Variants in ANXA11 observed in about 807,000 individuals in gnomAD.
ANXA11 encodes annexin A11.
ANXA11 carries 57 observed loss-of-function variants against 64.7 expected under a neutral mutation model. The observed-to-expected ratio is 0.88, with a 90% confidence interval of 0.71 to 1.10. ANXA11 has a LOEUF of 1.10. Ranked by LOEUF, ANXA11 falls within the 50% of genes least tolerant of loss-of-function variation. The pLI is 0.00. For missense variants in ANXA11, 675 were observed against 670.7 expected, an observed-to-expected ratio of 1.01 and a Z score of -0.07; for synonymous variants, 260 against 265.2, an observed-to-expected ratio of 0.98 and a Z score of 0.19.
chr10:80,158,369 G>T (rs865777430), intron 13 of ANXA11, among the ~76,000 whole-genome samples: 1 of 152,146 alleles, frequency 6.6e-6, no homozygotes, highest in Non-Finnish European at 1.5e-5. Context: ...TCAGGCAGGA[G>T]GGGCAGACTG....
intron 1 of ANXA11, among the ~76,000 whole-genome samples, chr10:80,202,586 T>C (rs1219078048): frequency 6.6e-5 from 10 of 152,108 alleles, no homozygotes; most frequent in Admixed American, 5.9e-4. Context: ...AAATTCCTAC[T>C]ATTCTGGGGG....
At chr10:80,181,997 T>A (rs1846372009) in intron 1 of ANXA11, among the ~76,000 whole-genome samples, 2 of 152,248 alleles carry the variant, frequency 1.3e-5, no homozygotes, top group Admixed American at 1.3e-4. Flanking sequence ...ACATTCACAG[T>A]AGTGTTATTC....
At chr10:80,194,372 C>T (rs1171281711) in intron 1 of ANXA11, among the ~76,000 whole-genome samples, 1 of 152,138 alleles carries the variant, frequency 6.6e-6, no homozygotes, top group East Asian at 1.9e-4. Context: ...TATGGAGGCA[C>T]CAGGGGCTGG....
intron 1 of ANXA11, among the ~76,000 whole-genome samples, chr10:80,188,511 A>ATATATATATATATATG (rs1554834982): frequency 0.021 from 2,669 of 125,850 alleles, 155 homozygotes; most frequent in Non-Finnish European, 0.027. Flanking sequence ...ATATATATAT[A>ATATATATATATATATG]GCACTACAAC....
chr10:80,173,586 CG>C, intron 2 of ANXA11, among the ~76,000 whole-genome samples: 1 of 152,200 alleles, frequency 6.6e-6, no homozygotes, highest in African/African-American at 2.4e-5. Flanking sequence ...CCTGCTCTCA[CG>C]AAGTCCCTCT....
Position 80,170,984 on chromosome 10 carries a change from A to G in ANXA11, c.56-69T>C, listed in dbSNP as rs756561692. On this transcript the variant is annotated intron_variant, in intron 3 of 15. Transcript: ENST00000422982. ...CCACACGGGGAAAGGCAGAGATGAG[A>G]GCTCCCAGGTGGTCAGAAAGGGAGG... 2.0e-6 allele frequency: 3 copies of G among 1,529,126 alleles called. No homozygotes were observed. In the African/African-American group the frequency reaches 4.2e-5, roughly 21 times the overall value. 94.7% of individuals were successfully genotyped at this position (1,529,126 alleles called of 1,614,324 possible).
At chr10:80,204,418 T>TGGGCAGGGCAGGGCA (rs573326665) in intron 1 of ANXA11, among the ~76,000 whole-genome samples, 1 of 151,478 alleles carries the variant, frequency 6.6e-6, no homozygotes, top group Non-Finnish European at 1.5e-5. Context: ...CCCTGTTGCG[T>TGGGCAGGGCAGGGCA]GGGCAGGGCA....
At chr10:80,186,879 G>C (rs1401379368) in intron 1 of ANXA11, among the ~76,000 whole-genome samples, 1 of 152,224 alleles carries the variant, frequency 6.6e-6, no homozygotes, top group Non-Finnish European at 1.5e-5. Flanking sequence ...TTTGTGGGCA[G>C]AGTCACCTCT....
chr10:80,167,431 G>T, intron 5 of ANXA11, 118 bp from the exon 6 acceptor site: 1 of 827,988 alleles, frequency 1.2e-6, no homozygotes, highest in East Asian at 2.6e-5. Flanking sequence ...AGTATCTAAA[G>T]GAGTCCACAG....
Position 80,167,283 on chromosome 10 carries a change from G to A in ANXA11, c.592C>T (p.Pro198Ser). 1.2e-6 allele frequency: 2 copies of A among 1,614,136 alleles called. No individual in the cohort carries two copies. The highest frequency in any genetic ancestry group is 1.7e-5 in the Admixed American group (1 of 60,016). ...FGSRGTITDA[P>S]GFDPLRDAEV... ...GCATCTCGCAGGGGGTCAAAGCCGG[G>A]AGCATCAGTGATGGTGCCTCGGCTT... The change falls in exon 6 of 16, where the codon CCC becomes TCC. Residue 198 changes from proline (P) to serine (S), a missense_variant. Physicochemically the swap from Pro to Ser is moderately conservative, Grantham distance 74. Transcript: ENST00000422982.
rs777020491 is a variant in ANXA11, at chr10:80,166,881, G to A, written c.744+9C>T. The A allele has an allele frequency of 2.7e-5, 43 of 1,597,238 alleles. No homozygotes were observed. The East Asian group carries it at 8.0e-4, about 30-fold the overall frequency. On this transcript the variant is annotated intron_variant, in intron 7 of 15. Coordinates refer to ENST00000422982, the MANE Select transcript of ANXA11 (RefSeq NM_145868.2). ...CCTCACTGTCCCGCGCCCCCACCCC[G>A]CAGCTCGCCTTGCCGTAAGCCGTCT...
At chr10:80,166,261 G>C (rs1845736470) in intron 7 of ANXA11, 64 bp from the exon 8 acceptor site, 1 of 985,738 alleles carries the variant, frequency 1.0e-6, no homozygotes. Context: ...AAAATCCACA[G>C]GAAGTGACTA....
chr10:80,160,142 T>C (rs1249015893), intron 12 of ANXA11, among the ~76,000 whole-genome samples: 2 of 152,236 alleles, frequency 1.3e-5, no homozygotes, highest in Non-Finnish European at 2.9e-5. Context: ...TTCTGCTCTG[T>C]GTGTATCTGT....
In ANXA11 at chr10:80,157,843, T is replaced by C; in HGVS notation, c.1336-80A>G. 1.3e-5 allele frequency: 20 copies of C among 1,585,634 alleles called. 1 individual carries two copies. In the South Asian group the frequency reaches 2.3e-4, roughly 18 times the overall value. ...GCCCTGGGCCCTCCAGTCCCCTCCC[T>C]ACCCAGGTCCTCGGAACTCTCAGCT... is the stretch of plus-strand genomic sequence containing the variant. On this transcript the variant is annotated intron_variant, in intron 14 of 15. Transcript: ENST00000422982.
intron 1 of ANXA11, among the ~76,000 whole-genome samples, chr10:80,179,482 C>T (rs1846282542): frequency 6.6e-6 from 1 of 152,212 alleles, no homozygotes; most frequent in Non-Finnish European, 1.5e-5. Context: ...TACTCTTCTT[C>T]ACAATAGTAA....
rs569680514 is a variant in ANXA11, at chr10:80,167,151, C to A, written c.649+75G>T. 5 of 1,485,528 alleles carry A rather than the reference C, an allele frequency of 3.4e-6. No individual in the cohort carries two copies. The African/African-American group carries it at 4.1e-5, about 12-fold the overall frequency. 92.0% of individuals were successfully genotyped at this position (1,485,528 alleles called of 1,614,324 possible). ...GGTCAGCGTCCCCCAGCTACCCCAG[C>A]CCACAGAGCCACAGTGAAACTGCCT... On this transcript the variant is annotated intron_variant, in intron 6 of 15. Coordinates refer to ENST00000422982, the MANE Select transcript of ANXA11 (RefSeq NM_145868.2).
chr10:80,201,121 A>G (rs1331350284), intron 1 of ANXA11, among the ~76,000 whole-genome samples: 1 of 151,598 alleles, frequency 6.6e-6, no homozygotes, highest in Non-Finnish European at 1.5e-5. Flanking sequence ...ACGTCCTGCT[A>G]CTCCTCACCC....
intron 1 of ANXA11, among the ~76,000 whole-genome samples, chr10:80,176,470 C>G (rs1265711738): frequency 6.6e-6 from 1 of 152,184 alleles, no homozygotes; most frequent in Admixed American, 6.5e-5. Context: ...AGCTGCCTCT[C>G]GAGAGGAAAG....
At chr10:80,163,757 C>T (rs981986303) in intron 9 of ANXA11, 144 bp from the exon 10 acceptor site, 2 of 771,694 alleles carry the variant, frequency 2.6e-6, no homozygotes, top group African/African-American at 1.7e-5. Context: ...CCCATATGGC[C>T]CTCCAGGGAT....
Sources: gnomAD v4.1 joint callset for allele counts (sites outside exome capture counted in the v4.1 genomes callset) on GRCh38, gnomAD v4.1.1 for gene constraint, MANE v1.5 for transcripts, NCBI Gene and HGNC (gene_info 2026-07-23, HGNC 2026-07-21) for gene names.